GRM8: variants seen among roughly 807,000 people sequenced by gnomAD.
GRM8 encodes metabotropic glutamate receptor 8.
Under a neutral mutation model 87.2 loss-of-function variants are expected in GRM8, and 47 were observed. That is an observed-to-expected ratio of 0.54 (90% CI 0.43 to 0.69). The LOEUF is 0.69. GRM8 is among the 30% of genes least tolerant of loss of function. The pLI is 0.00. For synonymous variants in GRM8, 396 were observed against 404.5 expected, an observed-to-expected ratio of 0.98 and a Z score of 0.25; for missense variants, 1,019 against 1,139.2, an observed-to-expected ratio of 0.89 and a Z score of 1.52.
rs191828696 is a variant in GRM8, at chr7:126,797,388, T to A, written c.1157-27323A>T. Among the ~76,000 whole-genome samples, 216 of 152,260 alleles carry A rather than the reference T, an allele frequency of 1.4e-3. 2 individuals carry two copies. Among genetic ancestry groups the A allele is most frequent in the Non-Finnish European group, 1.3e-3 (88 of 67,990 alleles). ...TACATTTTTAACATTTAATCTGGAA[T>A]TACAAGCAAAATAGCATATATTCTT... On this transcript the variant is annotated intron_variant, in intron 6 of 10. Transcript: ENST00000339582.
At chr7:126,962,584 T>C (rs548465434) in intron 3 of GRM8, among the ~76,000 whole-genome samples, 8 of 152,258 alleles carry the variant, frequency 5.3e-5, no homozygotes, top group African/African-American at 1.9e-4. Flanking sequence ...GGCAATGGAG[T>C]AGAATATAAT....
chr7:126,790,624 G>C (rs1184593712), intron 6 of GRM8, among the ~76,000 whole-genome samples: 1 of 152,054 alleles, frequency 6.6e-6, no homozygotes, highest in Non-Finnish European at 1.5e-5. Flanking sequence ...AGTCCTAGAG[G>C]TGAATCCGCT....
intron 3 of GRM8, among the ~76,000 whole-genome samples, chr7:126,943,082 G>C (rs2131548995): frequency 6.6e-6 from 1 of 152,264 alleles, no homozygotes; most frequent in Middle Eastern, 3.4e-3. Flanking sequence ...CTGGGCCTTT[G>C]GCTCTCTCTT....
intron 6 of GRM8, among the ~76,000 whole-genome samples, chr7:126,823,125 A>G (rs960499002): frequency 2.0e-5 from 3 of 152,254 alleles, no homozygotes; most frequent in Non-Finnish European, 4.4e-5. Context: ...TCTTTGAAAT[A>G]AGATTTTATT....
intron 7 of GRM8, among the ~76,000 whole-genome samples, chr7:126,755,432 C>T (rs1216075045): frequency 2.6e-5 from 4 of 151,788 alleles, no homozygotes; most frequent in Non-Finnish European, 5.9e-5. Context: ...TTGCAGACGG[C>T]TGATGTCATT....
intron 5 of GRM8, 92 bp from the exon 6 acceptor site, chr7:126,902,771 A>C: frequency 4.6e-6 from 4 of 860,560 alleles, no homozygotes. Flanking sequence ...TGATCACTGC[A>C]TGAAAAGAAA....
chr7:126,599,216 C>T (rs1797501021), intron 8 of GRM8, among the ~76,000 whole-genome samples: 1 of 152,100 alleles, frequency 6.6e-6, no homozygotes, highest in Admixed American at 6.6e-5. Flanking sequence ...GGGTCACATA[C>T]ATGCACTCCT....
intron 3 of GRM8, among the ~76,000 whole-genome samples, chr7:126,941,434 C>A (rs1321783697): frequency 1.4e-5 from 2 of 139,446 alleles, no homozygotes; most frequent in Non-Finnish European, 3.1e-5. Flanking sequence ...AGTGAAACCC[C>A]ATCTCTACTA....
At chr7:127,052,665 T>C (rs751840950) in intron 3 of GRM8, among the ~76,000 whole-genome samples, 2 of 152,226 alleles carry the variant, frequency 1.3e-5, no homozygotes, top group Non-Finnish European at 2.9e-5. Flanking sequence ...CAATGTTCAC[T>C]ACTTTATTCC....
chr7:127,015,037 GAA>G (rs1815331018), intron 3 of GRM8, among the ~76,000 whole-genome samples: 3 of 122,140 alleles, frequency 2.5e-5, no homozygotes, highest in Non-Finnish European at 3.6e-5. Flanking sequence ...AGAAGAAGAA[GAA>G]GAAGAAGAAG....
At chr7:126,577,680 C>T (rs2151002648) in intron 8 of GRM8, among the ~76,000 whole-genome samples, 1 of 152,224 alleles carries the variant, frequency 6.6e-6, no homozygotes. Flanking sequence ...TCGAAAGCAA[C>T]TTAAGTATTA....
intron 3 of GRM8, among the ~76,000 whole-genome samples, chr7:127,065,146 A>T (rs562874128): frequency 6.6e-6 from 1 of 152,368 alleles, no homozygotes; most frequent in South Asian, 2.1e-4. Context: ...GATTGAATAA[A>T]GGAAATGTAG....
Position 126,741,756 on chromosome 7 carries a change from G to C in GRM8, c.1357+28109C>G, listed in dbSNP as rs1006063588. Among the ~76,000 whole-genome samples, 8 of 152,178 alleles carry C rather than the reference G, an allele frequency of 5.3e-5. No individual in the cohort carries two copies. In the East Asian group the frequency reaches 1.5e-3, roughly 29 times the overall value. On this transcript the variant is annotated intron_variant, in intron 7 of 10. Coordinates refer to ENST00000339582, the MANE Select transcript of GRM8 (RefSeq NM_000845.3). ...CCTTCGTTTCCTTCTTTGTAAAATG[G>C]AAATAATAGGAGCCACTTTCACAAG...
chr7:126,667,341 T>C (rs1250936872), intron 7 of GRM8, among the ~76,000 whole-genome samples: 1 of 152,218 alleles, frequency 6.6e-6, no homozygotes, highest in African/African-American at 2.4e-5. Context: ...CCTACAAATG[T>C]AAAGCTTAAT....
intron 6 of GRM8, among the ~76,000 whole-genome samples, chr7:126,879,475 C>T (rs543729562): frequency 1.3e-5 from 2 of 152,110 alleles, no homozygotes; most frequent in Admixed American, 1.3e-4. Flanking sequence ...TTTTTTCTCT[C>T]CCTCTCTCTT....
intron 3 of GRM8, among the ~76,000 whole-genome samples, chr7:126,905,069 C>G (rs1228083808): frequency 2.0e-5 from 3 of 152,114 alleles, no homozygotes; most frequent in Admixed American, 2.0e-4. Context: ...AGTTGAGACC[C>G]TTATTAAGTA....
chr7:126,772,088 TAAGTA>T (rs1255315943), intron 6 of GRM8, among the ~76,000 whole-genome samples: 1 of 152,122 alleles, frequency 6.6e-6, no homozygotes, highest in Non-Finnish European at 1.5e-5. Flanking sequence ...AGATCATTCA[TAAGTA>T]AATACTGAAG....
At chr7:126,780,304 A>G (rs1819921787) in intron 6 of GRM8, among the ~76,000 whole-genome samples, 1 of 152,202 alleles carries the variant, frequency 6.6e-6, no homozygotes, top group South Asian at 2.1e-4. Context: ...GGGGATAACA[A>G]TAATATCTCC....
chr7:126,499,872 G>A (rs1259600478), intron 9 of GRM8, among the ~76,000 whole-genome samples: 24 of 151,842 alleles, frequency 1.6e-4, no homozygotes, highest in Admixed American at 1.6e-3. Flanking sequence ...TTACTGCACA[G>A]CAAGGTAATT....
Sources: gnomAD v4.1 joint callset for allele counts (sites outside exome capture counted in the v4.1 genomes callset) on GRCh38, gnomAD v4.1.1 for gene constraint, MANE v1.5 for transcripts, NCBI Gene and HGNC (gene_info 2026-07-23, HGNC 2026-07-21) for gene names.